The following MALRD1 variants were observed in gnomAD, a reference collection of about 807,000 sequenced individuals.
The protein encoded by MALRD1 is MAM and LDL receptor class A domain containing 1, also known as MAM and LDL-receptor class A domain-containing protein 1.
In MALRD1, 247 loss-of-function variants were observed where a neutral mutation model predicts 242.1. That is an observed-to-expected ratio of 1.02 (90% confidence interval 0.92 to 1.13). The LOEUF (loss-of-function observed/expected upper bound fraction) is 1.13. Among genes scored for constraint, MALRD1 ranks in the 50% most tolerant of loss-of-function variants. The pLI is 0.00. For missense variants in MALRD1, 2,989 were observed against 2,533.1 expected, an observed-to-expected ratio of 1.18 and a Z score of -3.86; for synonymous variants, 995 against 866.6, an observed-to-expected ratio of 1.15 and a Z score of -2.60.
rs149098596 is a variant in MALRD1 at position 19,401,739 on chromosome 10, A to T, written c.4845+12130A>T. On this transcript the variant is annotated intron_variant, in intron 28 of 39. Coordinates refer to ENST00000454679, the MANE Select transcript of MALRD1 (RefSeq NM_001142308.3). ...TCACAGAGAATAAAGCATAAAAAGC[A>T]TTAACACAACAGTCAGTGGCAGCCA... 6.9e-3 allele frequency among the ~76,000 whole-genome samples: 1,047 copies of T among 152,276 alleles called. 15 individuals carry two copies. Among genetic ancestry groups the T allele is most frequent in the African/African-American group, 0.024 (979 of 41,554 alleles).
chr10:19,636,300 C>T (rs138453095), intron 36 of MALRD1, among the ~76,000 whole-genome samples: 218 of 152,180 alleles, frequency 1.4e-3, no homozygotes, highest in African/African-American at 4.7e-3. Flanking sequence ...GAGTTAGGAA[C>T]ATTTACTACC....
chr10:19,061,287 A>T (rs535740698), intron 1 of MALRD1, among the ~76,000 whole-genome samples: 1 of 152,244 alleles, frequency 6.6e-6, no homozygotes, highest in East Asian at 1.9e-4. Flanking sequence ...TTACAAAGAT[A>T]TAAATGGAAA....
At chr10:19,065,175 T>A (rs1357814479) in intron 1 of MALRD1, among the ~76,000 whole-genome samples, 1 of 149,464 alleles carries the variant, frequency 6.7e-6, no homozygotes, top group African/African-American at 2.5e-5. Context: ...TAATCCCAGC[T>A]ACTTGGGAGG....
At chr10:19,609,672 G>A (rs1399952626) in intron 35 of MALRD1, among the ~76,000 whole-genome samples, 1 of 151,952 alleles carries the variant, frequency 6.6e-6, no homozygotes, top group Non-Finnish European at 1.5e-5. Context: ...AATGAATCCT[G>A]TTCATGCCTA....
rs1181371284 is a variant in MALRD1, at chr10:19,237,626, AATTATAATTATATATAAATT to A, written c.2992-20035_2992-20016del. 4.3e-4 allele frequency among the ~76,000 whole-genome samples: 7 copies of A among 16,110 alleles called. No homozygotes were observed. The South Asian group carries it at 0.012, about 28-fold the overall frequency. 10.6% of individuals were successfully genotyped at this position (16,110 alleles called of 152,430 possible). On this transcript the variant is annotated intron_variant, in intron 18 of 39. Transcript: ENST00000454679. ...TATAATTATAATTATATAATTATAT[AATTATAATTATATATAAATT>A]ATTATAATTATATATAAATTATATA...
At chr10:19,721,028 A>C (rs1421617950) in intron 38 of MALRD1, among the ~76,000 whole-genome samples, 1 of 152,148 alleles carries the variant, frequency 6.6e-6, no homozygotes, top group African/African-American at 2.4e-5. Context: ...GGGAAGAAAA[A>C]AAAATAAAAG....
intron 36 of MALRD1, among the ~76,000 whole-genome samples, chr10:19,668,813 A>C (rs1841793658): frequency 6.6e-6 from 1 of 152,170 alleles, no homozygotes; most frequent in South Asian, 2.1e-4. Flanking sequence ...ATGGAAAAAA[A>C]AGAAAATTTA....
At position 19,321,918 on chromosome 10, in the gene MALRD1, C is replaced by G. The variant is rs564114549; in HGVS notation, c.3420-2031C>G. On this transcript the variant is annotated intron_variant, in intron 21 of 39. Coordinates refer to ENST00000454679, the MANE Select transcript of MALRD1 (RefSeq NM_001142308.3). ...TGTGTGAAGAATGAATAGAGTGAATCAACGGTAGATGTGAAAGACCAATGA... is the reference window on the plus strand; with the variant it reads ...TGTGTGAAGAATGAATAGAGTGAATGAACGGTAGATGTGAAAGACCAATGA... Among the ~76,000 whole-genome samples the G allele has an allele frequency of 1.5e-3, 228 of 152,092 alleles. 2 individuals carry two copies. The highest frequency in any genetic ancestry group is 8.5e-3 in the South Asian group (41 of 4,824).
chr10:19,652,355 G>A (rs565162937), intron 36 of MALRD1, among the ~76,000 whole-genome samples: 46 of 152,294 alleles, frequency 3.0e-4, no homozygotes, highest in African/African-American at 1.0e-3. Context: ...ATGTGCCAAA[G>A]CATAATTTTC....
At chr10:19,049,896 C>A (rs1009551084) in intron 1 of MALRD1, among the ~76,000 whole-genome samples, 4 of 152,122 alleles carry the variant, frequency 2.6e-5, no homozygotes, top group Admixed American at 1.3e-4. Context: ...AATATGCAAT[C>A]TTCAGGGTTC....
chr10:19,351,824 T>A (rs1443882497), intron 25 of MALRD1, among the ~76,000 whole-genome samples, 182 bp from the exon 26 acceptor site: 1 of 152,156 alleles, frequency 6.6e-6, no homozygotes, highest in East Asian at 1.9e-4. Context: ...TTGCAACATA[T>A]GACTCAAGGC....
intron 21 of MALRD1, among the ~76,000 whole-genome samples, chr10:19,319,743 G>C (rs1384163755): frequency 2.6e-5 from 4 of 151,922 alleles, no homozygotes; most frequent in African/African-American, 9.7e-5. Flanking sequence ...CTTTGTAAGA[G>C]CACTAATCTC....
chr10:19,718,640 T>G (rs1834534062), intron 38 of MALRD1, among the ~76,000 whole-genome samples: 1 of 152,100 alleles, frequency 6.6e-6, no homozygotes, highest in African/African-American at 2.4e-5. Flanking sequence ...CCAAACCATA[T>G]CACAGCCCTG....
rs1049879685 is a variant in MALRD1 at position 19,472,260 on chromosome 10, C to G, written c.5030-19257C>G. Among the ~76,000 whole-genome samples the G allele has an allele frequency of 2.6e-5, 4 of 152,022 alleles. No individual in the cohort carries two copies. In the East Asian group the frequency reaches 7.7e-4, roughly 29 times the overall value. The stretch of plus-strand genomic sequence containing the variant: ...ATCTCATGAATAAATCACACTTGAT[C>G]AGGGTATATGATCCTTTCAGTGTGC... On this transcript the variant is annotated intron_variant, in intron 29 of 39. Coordinates refer to ENST00000454679, the MANE Select transcript of MALRD1 (RefSeq NM_001142308.3).
At chr10:19,103,840 C>T (rs763242612) in intron 4 of MALRD1, 139 bp from the exon 5 acceptor site, 21 of 418,454 alleles carry the variant, frequency 5.0e-5, no homozygotes, top group African/African-American at 4.1e-4. Context: ...TTTCTTTGCA[C>T]CTGGAATTGG....
intron 33 of MALRD1, among the ~76,000 whole-genome samples, chr10:19,586,873 G>T (rs1015695453): frequency 6.6e-6 from 1 of 152,234 alleles, no homozygotes; most frequent in Non-Finnish European, 1.5e-5. Context: ...TTAGCAATCA[G>T]CGAGACTCCG....
chr10:19,193,513 C>A (rs549273274), intron 14 of MALRD1, among the ~76,000 whole-genome samples: 10 of 152,246 alleles, frequency 6.6e-5, no homozygotes, highest in African/African-American at 2.4e-4. Context: ...CGTGATCATG[C>A]CACTGCATCC....
chr10:19,667,295 A>T (rs1001627174), intron 36 of MALRD1, among the ~76,000 whole-genome samples: 2 of 151,994 alleles, frequency 1.3e-5, no homozygotes, highest in African/African-American at 2.4e-5. Flanking sequence ...GTCTCTATTT[A>T]AAAAAGGAAA....
Position 19,175,255 on chromosome 10 carries a change from A to T in MALRD1, c.1878A>T (p.Leu626=). Residue 626 remains leucine, a synonymous_variant, in exon 14 of 40, where the codon CTA becomes CTT. Coordinates refer to ENST00000454679, the MANE Select transcript of MALRD1 (RefSeq NM_001142308.3). Reference sequence around the variant, plus strand: ...TGTCGTCAAATGCTACCGTTGCTCTAGATGACATCAGTGTGTCCCAGGAAT... The same window carrying T: ...TGTCGTCAAATGCTACCGTTGCTCTTGATGACATCAGTGTGTCCCAGGAAT... ...TVLSSNATVA[L]DDISVSQECE... is the part of the protein sequence containing the mutation. 8.1e-7 allele frequency: 1 copy of T among 1,230,544 alleles called. No individual in the cohort carries two copies. Among genetic ancestry groups the T allele is most frequent in the Non-Finnish European group, 1.0e-6 (1 of 987,204 alleles). 76.2% of individuals were successfully genotyped at this position (1,230,544 alleles called of 1,614,324 possible).
Sources: gnomAD v4.1 joint callset for allele counts (sites outside exome capture counted in the v4.1 genomes callset) on GRCh38, gnomAD v4.1.1 for gene constraint, MANE v1.5 for transcripts, NCBI Gene and HGNC (gene_info 2026-07-23, HGNC 2026-07-21) for gene names.